CSNK1D: variants seen among roughly 807,000 people sequenced by gnomAD.
The protein encoded by CSNK1D is casein kinase 1 delta, also known as casein kinase I isoform delta.
In CSNK1D, 16 loss-of-function variants were observed where a neutral mutation model predicts 46.6. The observed-to-expected ratio is 0.34, with a 90% confidence interval of 0.23 to 0.52. The LOEUF is 0.52. Ranked by LOEUF, CSNK1D falls within the 20% of genes least tolerant of loss-of-function variation. CSNK1D has a pLI of 0.95. For missense variants in CSNK1D, 398 were observed against 578.4 expected (o/e 0.69, Z 3.20); for synonymous variants, 276 against 228.2 (o/e 1.21, Z -1.89).
downstream of CSNK1D, among the ~76,000 whole-genome samples, chr17:82,240,447 G>A (rs954449301): frequency 3.3e-5 from 5 of 152,186 alleles, no homozygotes; most frequent in South Asian, 2.1e-4. Context: ...AGGGGTTGCC[G>A]CCTCTGGACC....
chr17:82,242,697 T>G lies in CSNK1D; in HGVS notation c.*2084A>C. On this transcript the variant is annotated 3_prime_UTR_variant, in exon 9 of 9. Coordinates refer to ENST00000314028, the MANE Select transcript of CSNK1D (RefSeq NM_001893.6). ...TAGAAGTCATTATGAATTTATTATTTACACGATTGTTAAAGTACACAAATA... is the reference window on the plus strand; with the variant it reads ...TAGAAGTCATTATGAATTTATTATTGACACGATTGTTAAAGTACACAAATA... The G allele has an allele frequency of 1.0e-6, 1 of 985,434 alleles. No individual in the cohort carries two copies. The highest frequency in any genetic ancestry group is 4.7e-5 in the South Asian group (1 of 21,288). The allele number at this position is 985,434 out of a possible 1,614,324, so 61.0% of individuals were successfully genotyped here.
Position 82,249,489 on chromosome 17 carries a change from G to T in CSNK1D, c.999C>A (p.Arg333=). ...GAGCCACTTCCTGCGTCCCCCGCAG[G>T]CGGCCGGAGGCTGTGGAAGGGAGGC... ...TRGLPSTASG[R]LRGTQEVAPP... The change falls in exon 7 of 9, where the codon CGC becomes CGA. Residue 333 remains arginine, a synonymous_variant. Transcript: ENST00000314028. This position sits in a 1 kb window ranked among gnomAD's most constrained non-coding sequence, Gnocchi z 6.7. 1 of 1,542,998 alleles carries T rather than the reference G, an allele frequency of 6.5e-7. No homozygotes were observed.
At chr17:82,271,864 G>C (rs1157844944) in intron 1 of CSNK1D, among the ~76,000 whole-genome samples, 2 of 152,238 alleles carry the variant, frequency 1.3e-5, no homozygotes, top group African/African-American at 4.8e-5. Flanking sequence ...CCTGACCCTA[G>C]CTGACAGGTG....
At chr17:82,246,654 A>G (rs1334818565) in intron 8 of CSNK1D, 9 of 998,326 alleles carry the variant, frequency 9.0e-6, no homozygotes, top group African/African-American at 3.5e-5. Context: ...CCCTACAACT[A>G]TGGGGGCCTC....
At chr17:82,268,102 C>T (rs748038992) in intron 1 of CSNK1D, among the ~76,000 whole-genome samples, 10 of 152,252 alleles carry the variant, frequency 6.6e-5, no homozygotes, top group South Asian at 2.1e-4. Context: ...ACACCAAGGT[C>T]GCCCCGAGTC....
intron 2 of CSNK1D, among the ~76,000 whole-genome samples, chr17:82,264,748 G>A (rs946160922): frequency 1.3e-5 from 2 of 151,990 alleles, no homozygotes; most frequent in African/African-American, 2.4e-5. Context: ...AGTGACCACT[G>A]AGGGGCACAC....
rs2050805374 is a variant in CSNK1D at position 82,244,713 on chromosome 17, G to A, written c.*68C>T. On this transcript the variant is annotated 3_prime_UTR_variant, in exon 9 of 9. Transcript: ENST00000314028. ...TCCTAGACCGGGGGACGTGTCACTA[G>A]TAAAGCCATTGGTAACAGAGTAGAT... 1 of 1,611,996 alleles carries A rather than the reference G, an allele frequency of 6.2e-7. No individual in the cohort carries two copies. The highest frequency in any genetic ancestry group is 8.5e-7 in the Non-Finnish European group (1 of 1,179,838).
Position 82,243,906 on chromosome 17 carries a change from G to A in CSNK1D, c.*875C>T. 1.0e-6 allele frequency: 1 copy of A among 985,852 alleles called. No individual in the cohort carries two copies. Among genetic ancestry groups the A allele is most frequent in the Non-Finnish European group, 1.2e-6 (1 of 830,234 alleles). The allele number at this position is 985,852 out of a possible 1,614,324, so 61.1% of individuals were successfully genotyped here. A position where few individuals can be genotyped will look rare whatever the true frequency, so the allele number is the denominator to read the frequency against. ...GAATCCTGGGACTCCCAATTGTCCT[G>A]CTAGGGTCTCAAAGCCTCTGCTTCC... is the stretch of plus-strand genomic sequence containing the variant. On this transcript the variant is annotated 3_prime_UTR_variant, in exon 9 of 9. Coordinates refer to ENST00000314028, the MANE Select transcript of CSNK1D (RefSeq NM_001893.6).
chr17:82,251,718 C>T lies in CSNK1D; in HGVS notation c.737-191G>A, dbSNP rs1021648466. On this transcript the variant is annotated intron_variant, in intron 5 of 8. Transcript: ENST00000314028. The surrounding 1 kb of genome is among the most constrained non-coding windows in gnomAD (Gnocchi z 4.5). ...AAAGTATTCAAGTCACGGCCGGGTG[C>T]GGCGGCTCACGCCTGTCACCCCAGC... 86 of 659,818 alleles carry T rather than the reference C, an allele frequency of 1.3e-4. No homozygotes were observed. The highest frequency in any genetic ancestry group is 3.9e-4 in the Middle Eastern group (1 of 2,532). The allele number at this position is 659,818 out of a possible 1,614,324, so 40.9% of individuals were successfully genotyped here.
chr17:82,241,783 G>A (rs1240830163), downstream of CSNK1D, among the ~76,000 whole-genome samples: 2 of 152,238 alleles, frequency 1.3e-5, no homozygotes, highest in Non-Finnish European at 2.9e-5. Flanking sequence ...GAGAGGAAGG[G>A]CCTGGGAGGA....
intron 2 of CSNK1D, chr17:82,260,775 T>G (rs2051319318): frequency 6.4e-6 from 1 of 155,712 alleles, no homozygotes; most frequent in African/African-American, 2.5e-5. Context: ...CTGATGTGAC[T>G]GATGGTGTAC....
At chr17:82,263,842 A>G (rs2147209819) in intron 2 of CSNK1D, among the ~76,000 whole-genome samples, 2 of 152,294 alleles carry the variant, frequency 1.3e-5, no homozygotes, top group South Asian at 4.1e-4. Flanking sequence ...TGCAGGCTCC[A>G]GGCCCTTGAG....
rs1005061847 is a variant in CSNK1D, at chr17:82,252,444, T to C, written c.726A>G (p.Lys242=). 6.2e-7 allele frequency: 1 copy of C among 1,613,992 alleles called. No individual in the cohort carries two copies. Among genetic ancestry groups the C allele is most frequent in the Non-Finnish European group, 8.5e-7 (1 of 1,180,024 alleles). The change falls in exon 5 of 9, where the codon AAA becomes AAG. Residue 242 remains lysine (K), a synonymous_variant. Coordinates refer to ENST00000314028, the MANE Select transcript of CSNK1D (RefSeq NM_001893.6). This position sits in a 1 kb window ranked among gnomAD's most constrained non-coding sequence, Gnocchi z 4.6. ...CCTCCAGAGACTTACAAGGGTAGCC[T>C]TTACACAACACTTCGATGGGGGTGG... ...KMSTPIEVLC[K]GYPSEFATYL... is the part of the protein sequence containing the mutation.
chr17:82,267,149 A>C (rs1027413469), intron 1 of CSNK1D: 1 of 151,888 alleles, frequency 6.6e-6, no homozygotes, highest in Non-Finnish European at 1.5e-5. Flanking sequence ...AGCAGCCCAG[A>C]CAAAGCCCTG....
chr17:82,243,200 G>A lies in CSNK1D; in HGVS notation c.*1581C>T. On this transcript the variant is annotated 3_prime_UTR_variant, in exon 9 of 9. Transcript: ENST00000314028. ...ACGGCCAGCCAGCTGGTGGGGGGGTGAACAACTGTGTTCTGGGACGCCAGC... is the reference window on the plus strand; with the variant it reads ...ACGGCCAGCCAGCTGGTGGGGGGGTAAACAACTGTGTTCTGGGACGCCAGC... 1 of 985,660 alleles carries A rather than the reference G, an allele frequency of 1.0e-6. No individual in the cohort carries two copies. The highest frequency in any genetic ancestry group is 1.2e-6 in the Non-Finnish European group (1 of 830,104). The allele number at this position is 985,660 out of a possible 1,614,324, so 61.1% of individuals were successfully genotyped here. A position where few individuals can be genotyped will look rare whatever the true frequency, so the allele number is the denominator to read the frequency against.
chr17:82,262,094 GTCTA>G (rs2051355508), intron 2 of CSNK1D, among the ~76,000 whole-genome samples: 1 of 152,242 alleles, frequency 6.6e-6, no homozygotes. Context: ...AAAACTAGGT[GTCTA>G]TCCAAATCTT....
At chr17:82,262,706 T>C (rs571914302) in intron 2 of CSNK1D, among the ~76,000 whole-genome samples, 1 of 152,300 alleles carries the variant, frequency 6.6e-6, no homozygotes, top group East Asian at 1.9e-4. Flanking sequence ...GCATCATCCA[T>C]AGCAGACACT....
chr17:82,255,349 T>A lies in CSNK1D; in HGVS notation c.336+80A>T. ...TTCCTCTGTGAATTAATGGCCATAA[T>A]AATGGCAAGAACAGCACAAGCGAGT... On this transcript the variant is annotated intron_variant, in intron 3 of 8. Coordinates refer to ENST00000314028, the MANE Select transcript of CSNK1D (RefSeq NM_001893.6). The surrounding 1 kb of genome is among the most constrained non-coding windows in gnomAD (Gnocchi z 5.9). 1.3e-6 allele frequency: 2 copies of A among 1,539,264 alleles called. No individual in the cohort carries two copies. Among genetic ancestry groups the A allele is most frequent in the South Asian group, 2.2e-5 (2 of 89,434 alleles).
downstream of CSNK1D, chr17:82,242,573 G>A (rs1462100258): frequency 1.9e-5 from 17 of 885,468 alleles, no homozygotes; most frequent in Non-Finnish European, 2.3e-5. Flanking sequence ...AGAACAAACA[G>A]CCATCTCAAA....
Sources: gnomAD v4.1 joint callset for allele counts (sites outside exome capture counted in the v4.1 genomes callset) on GRCh38, gnomAD v4.1.1 for gene constraint, Gnocchi (gnomAD v3.1) non-coding constraint, MANE v1.5 for transcripts, NCBI Gene and HGNC (gene_info 2026-07-23, HGNC 2026-07-21) for gene names.